The following HUNK variants were observed in gnomAD, a reference collection of about 807,000 sequenced individuals.
HUNK encodes hormonally up-regulated neu tumor-associated kinase.
HUNK carries 21 observed loss-of-function variants against 61.0 expected under a neutral mutation model. The ratio of observed to expected loss-of-function variants is 0.34; its 90% CI spans 0.24 to 0.50. HUNK has a LOEUF of 0.50. HUNK is among the 20% of genes least tolerant of loss of function. The probability of loss-of-function intolerance (pLI) is 0.98; values close to 1 mark genes in which losing one functional copy is unlikely to be tolerated. For missense variants in HUNK, 772 were observed against 945.7 expected (o/e 0.82, Z 2.41); for synonymous variants, 371 against 386.1 (o/e 0.96, Z 0.46).
At chr21:31,955,722 G>T (rs2052885266) in intron 4 of HUNK, among the ~76,000 whole-genome samples, 1 of 152,216 alleles carries the variant, frequency 6.6e-6, no homozygotes, top group African/African-American at 2.4e-5. Context: ...TTACCAAAAA[G>T]AAAATAAAAA....
chr21:31,892,180 TAGAGAGAGAGAGAG>T (rs66753649), intron 1 of HUNK, among the ~76,000 whole-genome samples: 12 of 109,718 alleles, frequency 1.1e-4, no homozygotes, highest in African/African-American at 3.8e-4. Context: ...TATATATATA[TAGAGAGAGAGAGAG>T]AGAGAGAGAG....
chr21:31,876,016 C>A (rs2052259644), intron 1 of HUNK, among the ~76,000 whole-genome samples: 1 of 152,166 alleles, frequency 6.6e-6, no homozygotes, highest in Non-Finnish European at 1.5e-5. Context: ...ACTGGGAACC[C>A]CGACATGCAG....
At chr21:31,902,621 T>C (rs914401094) in intron 1 of HUNK, among the ~76,000 whole-genome samples, 2 of 152,194 alleles carry the variant, frequency 1.3e-5, no homozygotes, top group Admixed American at 6.5e-5. Context: ...CTAGTCCCAG[T>C]TGGAGGTTTA....
At chr21:31,900,615 C>A (rs996502830) in intron 1 of HUNK, among the ~76,000 whole-genome samples, 1 of 152,236 alleles carries the variant, frequency 6.6e-6, no homozygotes, top group African/African-American at 2.4e-5. Flanking sequence ...CTCTTCGAGT[C>A]TGGCTCTCTT....
chr21:31,925,729 G>A (rs890502491), intron 2 of HUNK, among the ~76,000 whole-genome samples: 4 of 152,192 alleles, frequency 2.6e-5, no homozygotes, highest in Non-Finnish European at 5.9e-5. Context: ...TGGAAACAGC[G>A]TTCTTGGCAA....
At chr21:31,904,500 CGT>C (rs1373600532) in intron 1 of HUNK, among the ~76,000 whole-genome samples, 2 of 152,076 alleles carry the variant, frequency 1.3e-5, no homozygotes, top group Non-Finnish European at 2.9e-5. Flanking sequence ...AGCTTAAAAT[CGT>C]ATTTAGAAAG....
chr21:31,960,441 G>C (rs1400926571), intron 5 of HUNK, among the ~76,000 whole-genome samples: 1 of 151,372 alleles, frequency 6.6e-6, no homozygotes, highest in Non-Finnish European at 1.5e-5. Flanking sequence ...TGTAATTGTA[G>C]ATGCACACAC....
At chr21:31,949,357 C>G (rs550810051) in intron 4 of HUNK, among the ~76,000 whole-genome samples, 9 of 152,134 alleles carry the variant, frequency 5.9e-5, no homozygotes, top group Non-Finnish European at 1.3e-4. Flanking sequence ...CAGCCCCTCC[C>G]GGCAGCTAAT....
At chr21:31,966,507 C>A (rs1229353514) in intron 5 of HUNK, among the ~76,000 whole-genome samples, 1 of 152,116 alleles carries the variant, frequency 6.6e-6, no homozygotes, top group Non-Finnish European at 1.5e-5. Context: ...GTATGGGAAC[C>A]CACCCTGGTG....
rs547796889 is a variant in HUNK at position 31,998,841 on chromosome 21, C to T, written c.1802C>T (p.Pro601Leu). Residue 601 changes from proline to leucine, a missense_variant, in exon 11 of 11, where the codon CCG (proline) becomes CTG (leucine). Pro to Leu is a moderately conservative substitution (Grantham distance 98). Transcript: ENST00000270112. ...AATTCCAGCGAGAGGACGCTGTCCC[C>T]GGGTCTGCCATCCGGAAGCATGTCG... ...RRNSSERTLS[P>L]GLPSGSMSPL... The T allele has an allele frequency of 2.2e-5, 36 of 1,614,150 alleles. No homozygotes were observed. The Middle Eastern group carries it at 6.6e-4, about 30-fold the overall frequency.
intron 1 of HUNK, among the ~76,000 whole-genome samples, chr21:31,917,695 TACACACACACACACACACACAC>T (rs3056146): frequency 0.023 from 2,148 of 94,942 alleles, 61 homozygotes; most frequent in African/African-American, 0.077. Context: ...TTCCCAAACA[TACACACACACACACACACACAC>T]ACACACACAC....
At chr21:31,895,528 C>T (rs1046155124) in intron 1 of HUNK, among the ~76,000 whole-genome samples, 3 of 152,090 alleles carry the variant, frequency 2.0e-5, no homozygotes, top group Admixed American at 6.6e-5. Context: ...GGGAATGGTA[C>T]GTGGTGGTTT....
In HUNK at chr21:31,998,571, A is replaced by G. The variant is rs1394788803; in HGVS notation, c.1532A>G (p.Asn511Ser). 3 of 1,606,834 alleles carry G rather than the reference A, an allele frequency of 1.9e-6. No homozygotes were observed. Among genetic ancestry groups the G allele is most frequent in the East Asian group, 2.2e-5 (1 of 44,822 alleles). ...ATTTTCCGCAAAACCTCAGATTCCA[A>G]TTGTGTGGCTTCTTCTTCCATGGAG... is the stretch of plus-strand genomic sequence containing the variant. ...RNIFRKTSDS[N>S]CVASSSMEFI... The change falls in exon 11 of 11, where the codon AAT becomes AGT. Residue 511 changes from asparagine (N) to serine (S), a missense_variant. Asn to Ser is a conservative substitution (Grantham distance 46). Coordinates refer to ENST00000270112, the MANE Select transcript of HUNK (RefSeq NM_014586.2).
chr21:31,911,513 G>T (rs1300182795), intron 1 of HUNK, among the ~76,000 whole-genome samples: 1 of 152,144 alleles, frequency 6.6e-6, no homozygotes, highest in African/African-American at 2.4e-5. Context: ...AGGGAGCCGT[G>T]GGCTGCCTGA....
intron 1 of HUNK, among the ~76,000 whole-genome samples, chr21:31,879,131 A>C (rs2052287365): frequency 6.6e-6 from 1 of 152,216 alleles, no homozygotes; most frequent in African/African-American, 2.4e-5. Context: ...AAATATGACT[A>C]ATTTTAGAGG....
intron 2 of HUNK, among the ~76,000 whole-genome samples, chr21:31,928,594 G>A (rs1305096458): frequency 6.6e-6 from 1 of 152,178 alleles, no homozygotes; most frequent in Non-Finnish European, 1.5e-5. Flanking sequence ...ATACAGGGAC[G>A]ATTTAGGAAG....
chr21:31,990,158 T>A lies in HUNK; in HGVS notation c.1287T>A (p.Leu429=). The change falls in exon 9 of 11, where the codon CTT becomes CTA. Residue 429 remains leucine, a synonymous_variant. Coordinates refer to ENST00000270112, the MANE Select transcript of HUNK (RefSeq NM_014586.2). The stretch of plus-strand genomic sequence containing the variant: ...CTCTGGACACCTGGACACGAGATCT[T>A]GAATTCCATGCCGTGCAGGTAAGAA... The part of the protein sequence containing the change: ...EASLDTWTRD[L]EFHAVQDKKP... 6.2e-7 allele frequency: 1 copy of A among 1,613,936 alleles called. No individual in the cohort carries two copies. Among genetic ancestry groups the A allele is most frequent in the Non-Finnish European group, 8.5e-7 (1 of 1,179,866 alleles).
chr21:31,998,761 G>A lies in HUNK; in HGVS notation c.1722G>A (p.Leu574=). ...SVDRDDHVEV[L]SPSHHYRILN... is the part of the protein sequence containing the mutation. ...ATCGCGACGACCACGTAGAAGTGCT[G>A]TCTCCCTCTCATCACTACAGGATTC... Residue 574 remains leucine (L), a synonymous_variant, in exon 11 of 11, where the codon CTG becomes CTA. Transcript: ENST00000270112. 1.9e-6 allele frequency: 3 copies of A among 1,614,152 alleles called. No homozygotes were observed. The highest frequency in any genetic ancestry group is 2.7e-5 in the African/African-American group (2 of 75,038).
At chr21:31,907,237 C>T (rs2052512091) in intron 1 of HUNK, among the ~76,000 whole-genome samples, 2 of 152,064 alleles carry the variant, frequency 1.3e-5, no homozygotes, top group Non-Finnish European at 1.5e-5. Context: ...TTGTAAAACA[C>T]ACACCAGATC....
Sources: gnomAD v4.1 joint callset for allele counts (sites outside exome capture counted in the v4.1 genomes callset) on GRCh38, gnomAD v4.1.1 for gene constraint, MANE v1.5 for transcripts, NCBI Gene and HGNC (gene_info 2026-07-23, HGNC 2026-07-21) for gene names.